CES1: variants seen among roughly 807,000 people sequenced by gnomAD.
CES1 encodes liver carboxylesterase 1.
A neutral mutation model predicts 53.0 loss-of-function variants in CES1; 50 were observed. The observed-to-expected ratio is 0.94, with a 90% CI of 0.75 to 1.19. CES1 has a LOEUF of 1.19. Ranked by LOEUF, CES1 falls within the 50% of genes most tolerant of loss-of-function variation. The pLI is 0.00. For synonymous variants in CES1, 202 were observed against 210.1 expected (o/e 0.96, Z 0.33); for missense variants, 534 against 538.0 (o/e 0.99, Z 0.07).
intron 7 of CES1, among the ~76,000 whole-genome samples, chr16:55,818,990 T>A (rs1441883870): frequency 6.6e-6 from 1 of 152,234 alleles, no homozygotes; most frequent in Non-Finnish European, 1.5e-5. Context: ...TAAAAAGATA[T>A]GAGTGAATTG....
intron 1 of CES1, among the ~76,000 whole-genome samples, chr16:55,830,185 A>G (rs770486202): frequency 6.6e-6 from 1 of 152,264 alleles, no homozygotes; most frequent in African/African-American, 2.4e-5. Flanking sequence ...GAAACCCATT[A>G]TGGAAAGCCC....
Position 55,818,688 on chromosome 16 carries a change from T to C in CES1, c.906+847A>G, listed in dbSNP as rs1430488286. On this transcript the variant is annotated intron_variant, in intron 7 of 13. Coordinates refer to ENST00000360526, the MANE Select transcript of CES1 (RefSeq NM_001025195.2). ...TAGTTCCTTGAGAGCAGGGACTATG[T>C]CCACTTCATGTCTGTTTTGCTACCT... Among the ~76,000 whole-genome samples, 4 of 151,920 alleles carry C rather than the reference T, an allele frequency of 2.6e-5. No homozygotes were observed. In the East Asian group the frequency reaches 5.8e-4, roughly 22 times the overall value.
At chr16:55,821,306 C>T (rs2032179413) in intron 5 of CES1, 62 bp downstream of exon 5, 3 of 1,602,208 alleles carry the variant, frequency 1.9e-6, no homozygotes, top group Non-Finnish European at 2.6e-6. Flanking sequence ...TGACAGGTGT[C>T]CAAGAGGTCT....
intron 11 of CES1, among the ~76,000 whole-genome samples, chr16:55,809,351 C>A (rs2031584505): frequency 6.6e-6 from 1 of 152,214 alleles, no homozygotes; most frequent in Non-Finnish European, 1.5e-5. Context: ...TGTGTCAGGG[C>A]ACCTGCTAGT....
intron 8 of CES1, among the ~76,000 whole-genome samples, chr16:55,813,388 C>T (rs370373953): frequency 2.6e-5 from 4 of 152,118 alleles, no homozygotes; most frequent in Non-Finnish European, 4.4e-5. Context: ...CTGGCAGTTG[C>T]TTCTGATAAA....
At chr16:55,812,286 T>A (rs1201213009) in intron 9 of CES1, 1 of 156,610 alleles carries the variant, frequency 6.4e-6, no homozygotes, top group Non-Finnish European at 1.4e-5. Context: ...GCAGGTTTGA[T>A]CATGGGTAAT....
rs868751519 is a variant in CES1, at chr16:55,830,228, T to C, written c.53-1254A>G. Among the ~76,000 whole-genome samples, 16 of 152,358 alleles carry C rather than the reference T, an allele frequency of 1.1e-4. 2 individuals carry two copies. In the Middle Eastern group the frequency reaches 0.031, roughly 292 times the overall value. On this transcript the variant is annotated intron_variant, in intron 1 of 13. Transcript: ENST00000360526. Reference sequence around the variant, plus strand: ...CAACAGCATCCATGTCTCATCTTATTAATAGCCAACCCTGCAATGTCAATA... The same window carrying C: ...CAACAGCATCCATGTCTCATCTTATCAATAGCCAACCCTGCAATGTCAATA...
At chr16:55,819,933 T>C (rs2032103800) in intron 6 of CES1, 6 of 567,828 alleles carry the variant, frequency 1.1e-5, no homozygotes, top group Non-Finnish European at 1.9e-5. Flanking sequence ...GGAGCTGGGA[T>C]AGAGAGCATG....
rs751197968 is a variant in CES1, at chr16:55,810,970, T to C, written c.1127A>G (p.Gln376Arg). 5 of 1,613,634 alleles carry C rather than the reference T, an allele frequency of 3.1e-6. No homozygotes were observed. The South Asian group carries it at 5.5e-5, about 18-fold the overall frequency. The change falls in exon 10 of 14, where the codon CAG becomes CGG. Residue 376 changes from glutamine (Q) to arginine (R), a missense_variant. This residue lies in a region of CES1 where 269 missense variants were observed against 206.6 expected (regional missense o/e 1.30). Coordinates refer to ENST00000360526, the MANE Select transcript of CES1 (RefSeq NM_001025195.2). ...SYPLSEGQLD[Q>R]KTAMSLLWKS... is the part of the protein sequence containing the mutation. ...CCACAGGAGTGACATGGCTGTCTTC[T>C]GGTCCAGTTGCCCTTCGGAGAGTGG...
intron 5 of CES1, among the ~76,000 whole-genome samples, chr16:55,821,141 T>C (rs2032171298): frequency 6.6e-6 from 1 of 151,916 alleles, no homozygotes; most frequent in Admixed American, 6.6e-5. Context: ...AGGCTGCAAC[T>C]GGAGATTCAT....
Position 55,810,928 on chromosome 16 carries a change from AC to A in CES1, c.1168del (p.Val390PhefsTer7). On this transcript the variant is annotated frameshift_variant and splice_region_variant, in exon 10 of 14. Coordinates refer to ENST00000360526, the MANE Select transcript of CES1 (RefSeq NM_001025195.2). LOFTEE classifies it high-confidence loss of function. ...MSLLWKSYPLVCIAKELIPEA... is the reference protein window; with the variant it reads ...MSLLWKSYPLXCIAKELIPEA... ...TTCCCATGATTCCTAGACTCTTACA[AC>A]AAGGGGATAGGACTTCCACAGGAGT... 6.2e-7 allele frequency: 1 copy of A among 1,612,968 alleles called. No individual in the cohort carries two copies. The highest frequency in any genetic ancestry group is 8.5e-7 in the Non-Finnish European group (1 of 1,179,182).
intron 11 of CES1, among the ~76,000 whole-genome samples, chr16:55,809,910 A>T (rs1163362523): frequency 6.6e-6 from 1 of 152,232 alleles, no homozygotes. Context: ...GAGCCCTTGC[A>T]GCAGATGCTG....
At chr16:55,820,608 C>A in intron 5 of CES1, 129 bp from the exon 6 acceptor site, 1 of 1,462,320 alleles carries the variant, frequency 6.8e-7, no homozygotes, top group Non-Finnish European at 9.4e-7. Flanking sequence ...AGTGGGCTGA[C>A]CCTCTGCCCA....
At chr16:55,823,184 A>G (rs1220033744) in intron 4 of CES1, among the ~76,000 whole-genome samples, 1 of 150,878 alleles carries the variant, frequency 6.6e-6, no homozygotes, top group Non-Finnish European at 1.5e-5. Flanking sequence ...AGATGTGTCA[A>G]CCTTCACCTG....
rs113747923 is a variant in CES1 at position 55,823,963 on chromosome 16, C to A, written c.406-280G>T. Among the ~76,000 whole-genome samples, 1,047 of 152,360 alleles carry A rather than the reference C, an allele frequency of 6.9e-3. 3 individuals carry two copies. The highest frequency in any genetic ancestry group is 0.024 in the African/African-American group (1,008 of 41,562). ...GAAAGGCTCTTGATGCTGAGAACAT[C>A]ATCATGGGCATAGCAAAGGCTAAGG... is the stretch of plus-strand genomic sequence containing the variant. On this transcript the variant is annotated intron_variant, in intron 3 of 13. Coordinates refer to ENST00000360526, the MANE Select transcript of CES1 (RefSeq NM_001025195.2).
intron 11 of CES1, among the ~76,000 whole-genome samples, chr16:55,808,368 A>G (rs2031529489): frequency 6.6e-6 from 1 of 152,214 alleles, no homozygotes; most frequent in African/African-American, 2.4e-5. Flanking sequence ...AATGACAATT[A>G]GACATAATAA....
In CES1 at chr16:55,826,182, G is replaced by A; in HGVS notation, c.374C>T (p.Pro125Leu). 6.2e-7 allele frequency: 1 copy of A among 1,613,940 alleles called. No individual in the cohort carries two copies. The highest frequency in any genetic ancestry group is 2.2e-5 in the East Asian group (1 of 44,882). Residue 125 changes from proline to leucine, a missense_variant, in exon 3 of 14, where the codon CCT (proline) becomes CTT (leucine). Physicochemically the swap from Pro to Leu is moderately conservative, Grantham distance 98. Coordinates refer to ENST00000360526, the MANE Select transcript of CES1 (RefSeq NM_001025195.2). ...EDCLYLNIYT[P>L]ADLTKKNRLP... The stretch of plus-strand genomic sequence containing the variant: ...CCTGTTTTTCTTGGTCAAGTCAGCA[G>A]GAGTGTAAATATTGAGGTAAAGACA...
intron 1 of CES1, among the ~76,000 whole-genome samples, chr16:55,829,996 G>T (rs1413800616): frequency 6.6e-6 from 1 of 152,084 alleles, no homozygotes; most frequent in African/African-American, 2.4e-5. Flanking sequence ...GTCCTATCTG[G>T]CTCCAGTCAC....
At chr16:55,813,695 A>G (rs1156428677) in intron 8 of CES1, among the ~76,000 whole-genome samples, 4 of 152,128 alleles carry the variant, frequency 2.6e-5, no homozygotes, top group Non-Finnish European at 5.9e-5. Context: ...TGCCTCATCC[A>G]AGCTTGTCTC....
Sources: gnomAD v4.1 joint callset for allele counts (sites outside exome capture counted in the v4.1 genomes callset) on GRCh38, gnomAD v4.1.1 for gene constraint, gnomAD v4.1.1 regional missense constraint, MANE v1.5 for transcripts, NCBI Gene and HGNC (gene_info 2026-07-23, HGNC 2026-07-21) for gene names.